DERA: variants seen among roughly 807,000 people sequenced by gnomAD.
The protein encoded by DERA is deoxyribose-phosphate aldolase.
DERA carries 15 observed loss-of-function variants against 41.1 expected under a neutral mutation model. That is an observed-to-expected ratio of 0.37 (90% CI 0.24 to 0.56). The LOEUF (loss-of-function observed/expected upper bound fraction) is 0.56. DERA is among the 20% of genes least tolerant of loss of function. The pLI, the probability that DERA is intolerant of heterozygous loss-of-function variation, is 0.81. For missense variants in DERA, 396 were observed against 403.4 expected (o/e 0.98, Z 0.16); for synonymous variants, 139 against 137.4 (o/e 1.01, Z -0.08).
intron 1 of DERA, among the ~76,000 whole-genome samples, chr12:15,927,231 T>A (rs773234048): frequency 7.2e-5 from 11 of 152,226 alleles, no homozygotes; most frequent in Non-Finnish European, 1.5e-4. Context: ...CTTTTCTAGG[T>A]CCCTGCATTG....
In DERA at chr12:15,935,314, C is replaced by T. The variant is rs1948356885; in HGVS notation, c.32-21622C>T. On this transcript the variant is annotated intron_variant, in intron 1 of 8. Transcript: ENST00000428559. This position sits in a 1 kb window ranked among gnomAD's most constrained non-coding sequence, Gnocchi z 4.8. ...CCACCCTGGGCAACATGGCAAAACC[C>T]TGTCTCTACAAAAAATATAAAAATT... Among the ~76,000 whole-genome samples the T allele has an allele frequency of 6.6e-6, 1 of 151,982 alleles. No homozygotes were observed. The highest frequency in any genetic ancestry group is 2.1e-4 in the South Asian group (1 of 4,818).
chr12:15,997,451 A>T (rs940240747), intron 6 of DERA, among the ~76,000 whole-genome samples: 3 of 152,208 alleles, frequency 2.0e-5, no homozygotes, highest in Non-Finnish European at 2.9e-5. Context: ...CATTGCCATC[A>T]CTAGAATAAA....
chr12:15,962,845 T>G lies in DERA; in HGVS notation c.406T>G (p.Leu136Val). 1 of 1,559,906 alleles carries G rather than the reference T, an allele frequency of 6.4e-7. No homozygotes were observed. The highest frequency in any genetic ancestry group is 8.7e-7 in the Non-Finnish European group (1 of 1,150,852). Residue 136 changes from leucine to valine, a missense_variant, in exon 5 of 9, where the codon TTG becomes GTG. Physicochemically the swap from Leu to Val is conservative, Grantham distance 32 (BLOSUM62 1). Coordinates refer to ENST00000428559, the MANE Select transcript of DERA (RefSeq NM_015954.4). The part of the protein sequence containing the change: ...AAGFPAGQTH[L>V]KTRLEEIRLA... Reference sequence around the variant, plus strand: ...TGGATTTCCAGCTGGACAGACTCATTTGAAGACACGATTAGAAGAGATCAG... The same window carrying G: ...TGGATTTCCAGCTGGACAGACTCATGTGAAGACACGATTAGAAGAGATCAG...
intron 6 of DERA, among the ~76,000 whole-genome samples, chr12:16,016,664 C>T (rs1172802174): frequency 6.6e-6 from 1 of 151,658 alleles, no homozygotes; most frequent in African/African-American, 2.4e-5. Context: ...TGGTGCTGTG[C>T]ACCTGTACTC....
Position 15,915,580 on chromosome 12 carries a change from C to T in DERA, c.31+4166C>T, listed in dbSNP as rs1296749751. On this transcript the variant is annotated intron_variant, in intron 1 of 8. Coordinates refer to ENST00000428559, the MANE Select transcript of DERA (RefSeq NM_015954.4). This position sits in a 1 kb window ranked among gnomAD's most constrained non-coding sequence, Gnocchi z 4.8. ...AAAGTGCTAGGATTATAGGCATGAG[C>T]CACCGTGCATGGCCTAGAATGGCAT... Among the ~76,000 whole-genome samples, 5 of 152,208 alleles carry T rather than the reference C, an allele frequency of 3.3e-5. No individual in the cohort carries two copies. Among genetic ancestry groups the T allele is most frequent in the African/African-American group, 1.2e-4 (5 of 41,448 alleles).
Position 16,003,083 on chromosome 12 carries a change from A to G in DERA, c.637+20647A>G, listed in dbSNP as rs1322741188. On this transcript the variant is annotated intron_variant, in intron 6 of 8. Coordinates refer to ENST00000428559, the MANE Select transcript of DERA (RefSeq NM_015954.4). This position sits in a 1 kb window ranked among gnomAD's most constrained non-coding sequence, Gnocchi z 4.8. ...TCTGAGATAAGGTGTGAGCAGGGTT[A>G]GTTCCTTCTGAGGGCTATGAGAAAG... Among the ~76,000 whole-genome samples, 1 of 152,162 alleles carries G rather than the reference A, an allele frequency of 6.6e-6. No homozygotes were observed. Among genetic ancestry groups the G allele is most frequent in the African/African-American group, 2.4e-5 (1 of 41,448 alleles).
rs1161751472 is a variant in DERA, at chr12:15,940,799, A to G, written c.32-16137A>G. On this transcript the variant is annotated intron_variant, in intron 1 of 8. Transcript: ENST00000428559. The surrounding 1 kb of genome is among the most constrained non-coding windows in gnomAD (Gnocchi z 5.1). Reference sequence around the variant, plus strand: ...GTGTTAAATTGCCATCTTTGGACACAGGCATCCTAACATAACTACTAATTT... The same window carrying G: ...GTGTTAAATTGCCATCTTTGGACACGGGCATCCTAACATAACTACTAATTT... Among the ~76,000 whole-genome samples the G allele has an allele frequency of 1.3e-5, 2 of 152,246 alleles. No homozygotes were observed. The highest frequency in any genetic ancestry group is 2.9e-5 in the Non-Finnish European group (2 of 68,038).
chr12:15,931,636 G>A lies in DERA; in HGVS notation c.31+20222G>A, dbSNP rs1948328730. ...TGAGAGCATGCTATGGTTTGGATGT[G>A]GTTTGTCTACACTAAAGCTGATGTT... On this transcript the variant is annotated intron_variant, in intron 1 of 8. Coordinates refer to ENST00000428559, the MANE Select transcript of DERA (RefSeq NM_015954.4). This position sits in a 1 kb window ranked among gnomAD's most constrained non-coding sequence, Gnocchi z 4.6. 6.6e-6 allele frequency among the ~76,000 whole-genome samples: 1 copy of A among 152,178 alleles called. No homozygotes were observed.
chr12:15,960,239 A>T (rs1740326029), intron 4 of DERA, among the ~76,000 whole-genome samples: 1 of 150,234 alleles, frequency 6.7e-6, no homozygotes, highest in Non-Finnish European at 1.5e-5. Flanking sequence ...TACATACTAT[A>T]TATGTATATG....
rs7138140 is a variant in DERA, at chr12:15,921,130, G to A, written c.31+9716G>A. Among the ~76,000 whole-genome samples the A allele has an allele frequency of 7.4e-3, 1,120 of 152,216 alleles. 15 individuals carry two copies. Among genetic ancestry groups the A allele is most frequent in the African/African-American group, 0.026 (1,079 of 41,526 alleles). ...TCTAAGCAAATATGGAAAGAAATAA[G>A]CCTTTTTATTTGATTGAGATAAGTG... On this transcript the variant is annotated intron_variant, in intron 1 of 8. Coordinates refer to ENST00000428559, the MANE Select transcript of DERA (RefSeq NM_015954.4). The surrounding 1 kb of genome is among the most constrained non-coding windows in gnomAD (Gnocchi z 5.3).
rs1948957664 is a variant in DERA, at chr12:16,013,132, G to A, written c.638-19410G>A. Among the ~76,000 whole-genome samples the A allele has an allele frequency of 1.3e-5, 2 of 152,162 alleles. No individual in the cohort carries two copies. The highest frequency in any genetic ancestry group is 4.1e-4 in the South Asian group (2 of 4,820). On this transcript the variant is annotated intron_variant, in intron 6 of 8. Coordinates refer to ENST00000428559, the MANE Select transcript of DERA (RefSeq NM_015954.4). The surrounding 1 kb of genome is among the most constrained non-coding windows in gnomAD (Gnocchi z 5.8). ...AACCAGAATTCTCTCTTTGGCCAGT[G>A]TGAAATTTCCAGTGTTGATACCAGT...
chr12:16,005,058 A>G (rs1252064196), intron 6 of DERA, among the ~76,000 whole-genome samples: 1 of 152,180 alleles, frequency 6.6e-6, no homozygotes, highest in Non-Finnish European at 1.5e-5. Flanking sequence ...CTTCTCTTTC[A>G]TTTCACGCAG....
intron 1 of DERA, among the ~76,000 whole-genome samples, chr12:15,945,337 C>T (rs1295288662): frequency 2.0e-5 from 3 of 152,094 alleles, no homozygotes; most frequent in Admixed American, 6.6e-5. Flanking sequence ...GCCATTTTCA[C>T]GATATTGATT....
At chr12:15,955,607 A>G (rs1389061684) in intron 1 of DERA, among the ~76,000 whole-genome samples, 1 of 152,184 alleles carries the variant, frequency 6.6e-6, no homozygotes, top group Non-Finnish European at 1.5e-5. Context: ...ATTAGAGAGA[A>G]AAAGAAGCAC....
rs781202176 is a variant in DERA, at chr12:16,036,705, A to T, written c.916A>T (p.Thr306Ser). Residue 306 changes from threonine (T) to serine (S), a missense_variant, in exon 9 of 9, where the codon ACT becomes TCT. Coordinates refer to ENST00000428559, the MANE Select transcript of DERA (RefSeq NM_015954.4). The surrounding 1 kb of genome is among the most constrained non-coding windows in gnomAD (Gnocchi z 4.9). ...DIERQIYHHV[T>S]GRYAAYHDLP... is the part of the protein sequence containing the mutation. ...TTCCTCACAGATTTACCATCATGTG[A>T]CTGGAAGATATGCAGCTTATCATGA... is the stretch of plus-strand genomic sequence containing the variant. 1.2e-6 allele frequency: 2 copies of T among 1,604,346 alleles called. No homozygotes were observed. Among genetic ancestry groups the T allele is most frequent in the South Asian group, 2.3e-5 (2 of 88,872 alleles).
Position 15,911,546 on chromosome 12 carries a change from G to A in DERA, c.31+132G>A, listed in dbSNP as rs1452748546. The A allele has an allele frequency of 1.1e-6, 1 of 940,828 alleles. No individual in the cohort carries two copies. The highest frequency in any genetic ancestry group is 1.7e-5 in the African/African-American group (1 of 59,636). The allele number at this position is 940,828 out of a possible 1,614,324, so 58.3% of individuals were successfully genotyped here. A position where few individuals can be genotyped will look rare whatever the true frequency, so the allele number is the denominator to read the frequency against. Reference sequence around the variant, plus strand: ...GGTTTTCGCTGGGGCGGGAAGCAGTGGCGTCTGGTCAGCCCTCACCCCAAG... The same window carrying A: ...GGTTTTCGCTGGGGCGGGAAGCAGTAGCGTCTGGTCAGCCCTCACCCCAAG... On this transcript the variant is annotated intron_variant, in intron 1 of 8. Transcript: ENST00000428559. The surrounding 1 kb of genome is among the most constrained non-coding windows in gnomAD (Gnocchi z 4.5).
intron 6 of DERA, among the ~76,000 whole-genome samples, chr12:16,028,255 G>C (rs774689880): frequency 6.6e-6 from 1 of 152,116 alleles, no homozygotes; most frequent in Non-Finnish European, 1.5e-5. Flanking sequence ...TTAAAAAACA[G>C]AAAAATCCAC....
In DERA at chr12:15,988,931, G is replaced by T. The variant is rs983450533; in HGVS notation, c.637+6495G>T. On this transcript the variant is annotated intron_variant, in intron 6 of 8. Transcript: ENST00000428559. The surrounding 1 kb of genome is among the most constrained non-coding windows in gnomAD (Gnocchi z 6.0). ...GGTGGGAGGCTGGCGTGTCAGCGCTGCCCTGAATGTGTGCACACTCAGCCA... is the reference window on the plus strand; with the variant it reads ...GGTGGGAGGCTGGCGTGTCAGCGCTTCCCTGAATGTGTGCACACTCAGCCA... Among the ~76,000 whole-genome samples the T allele has an allele frequency of 6.6e-6, 1 of 152,238 alleles. No individual in the cohort carries two copies. The highest frequency in any genetic ancestry group is 6.5e-5 in the Admixed American group (1 of 15,288).
intron 1 of DERA, among the ~76,000 whole-genome samples, chr12:15,953,916 G>A (rs542394884): frequency 6.6e-6 from 1 of 152,168 alleles, no homozygotes; most frequent in Non-Finnish European, 1.5e-5. Flanking sequence ...AGGTCACAGA[G>A]GCAAATTTTG....
Sources: allele counts gnomAD v4.1 joint callset (sites outside exome capture counted in the v4.1 genomes callset), GRCh38; gene constraint gnomAD v4.1.1; non-coding constraint Gnocchi (gnomAD v3.1); transcripts MANE v1.5; gene names NCBI Gene and HGNC (gene_info 2026-07-23, HGNC 2026-07-21).